Variants in KCND2 observed in about 807,000 individuals in gnomAD.
KCND2 encodes A-type voltage-gated potassium channel KCND2.
Under a neutral mutation model 54.4 loss-of-function variants are expected in KCND2, and 16 were observed. The ratio of observed to expected loss-of-function variants is 0.29; its 90% confidence interval spans 0.20 to 0.45. The LOEUF (loss-of-function observed/expected upper bound fraction) is 0.45, where lower values mean the gene tolerates loss of function less well. Among genes scored for constraint, KCND2 ranks in the 20% least tolerant of loss-of-function variants. The pLI, the probability that KCND2 is intolerant of heterozygous loss-of-function variation, is 1.00. For missense variants in KCND2, 486 were observed against 824.2 expected (o/e 0.59, Z 5.02); for synonymous variants, 317 against 310.7 (o/e 1.02, Z -0.21).
chr7:120,407,391 C>G (rs1250197187), intron 1 of KCND2, among the ~76,000 whole-genome samples: 1 of 151,888 alleles, frequency 6.6e-6, no homozygotes, highest in African/African-American at 2.4e-5. Context: ...AACAAACCCC[C>G]CAAAAGTGTG....
At chr7:120,678,174 G>A (rs537357987) in intron 1 of KCND2, among the ~76,000 whole-genome samples, 3 of 151,728 alleles carry the variant, frequency 2.0e-5, no homozygotes, top group Admixed American at 6.6e-5. Flanking sequence ...TAAACTCTGA[G>A]ATGGTTAGGG....
chr7:120,488,007 C>A (rs1448490160), intron 1 of KCND2, among the ~76,000 whole-genome samples: 2 of 151,910 alleles, frequency 1.3e-5, no homozygotes, highest in African/African-American at 4.8e-5. Flanking sequence ...GTGGTGAAAC[C>A]CCATCTATAC....
At chr7:120,375,385 C>T (rs1800822099) in intron 1 of KCND2, among the ~76,000 whole-genome samples, 1 of 151,936 alleles carries the variant, frequency 6.6e-6, no homozygotes, top group Non-Finnish European at 1.5e-5. Context: ...CTTTCAGTCT[C>T]CTCTGTGTAA....
At chr7:120,393,019 A>G (rs1801100743) in intron 1 of KCND2, among the ~76,000 whole-genome samples, 2 of 152,050 alleles carry the variant, frequency 1.3e-5, no homozygotes, top group South Asian at 4.1e-4. Flanking sequence ...CAAACATTGT[A>G]ATAAGGATGT....
At chr7:120,393,144 G>GT (rs1052245839) in intron 1 of KCND2, among the ~76,000 whole-genome samples, 2 of 151,876 alleles carry the variant, frequency 1.3e-5, no homozygotes, top group African/African-American at 4.8e-5. Flanking sequence ...CGTTGAGTTT[G>GT]TTTTTTTATC....
rs567407417 is a variant in KCND2 at position 120,487,242 on chromosome 7, A to G, written c.1115+211495A>G. Among the ~76,000 whole-genome samples the G allele has an allele frequency of 1.4e-4, 22 of 152,232 alleles. No homozygotes were observed. In the South Asian group the frequency reaches 4.6e-3, roughly 32 times the overall value. On this transcript the variant is annotated intron_variant, in intron 1 of 5. Coordinates refer to ENST00000331113, the MANE Select transcript of KCND2 (RefSeq NM_012281.3). ...TTCTTTAAGTAAAGATTTTTTTTTA[A>G]AAAAAGAGGGATACCCTTAATATTA...
chr7:120,404,550 A>G (rs1454700829), intron 1 of KCND2, among the ~76,000 whole-genome samples: 2 of 152,206 alleles, frequency 1.3e-5, no homozygotes, highest in African/African-American at 2.4e-5. Flanking sequence ...AACTACACAG[A>G]TAACATTAGG....
At chr7:120,646,655 T>C (rs1793445530) in intron 1 of KCND2, among the ~76,000 whole-genome samples, 1 of 152,120 alleles carries the variant, frequency 6.6e-6, no homozygotes, top group South Asian at 2.1e-4. Context: ...GAAAAATGAG[T>C]ATAAAGATTA....
At chr7:120,671,793 A>G (rs557965394) in intron 1 of KCND2, among the ~76,000 whole-genome samples, 6 of 152,180 alleles carry the variant, frequency 3.9e-5, no homozygotes, top group South Asian at 4.1e-4. Context: ...TATTTCCCCA[A>G]TTAGAACCCT....
chr7:120,732,715 G>A (rs2116145700), intron 1 of KCND2, among the ~76,000 whole-genome samples, 188 bp from the exon 2 acceptor site: 1 of 152,082 alleles, frequency 6.6e-6, no homozygotes, highest in East Asian at 1.9e-4. Context: ...AAGGTTGAAA[G>A]GTAATTTTTA....
At chr7:120,456,410 T>G (rs1442946602) in intron 1 of KCND2, among the ~76,000 whole-genome samples, 1 of 152,202 alleles carries the variant, frequency 6.6e-6, no homozygotes, top group African/African-American at 2.4e-5. Flanking sequence ...TGGCATTGAT[T>G]TGGCACTTTA....
At chr7:120,739,391 A>C (rs1792912396) in intron 2 of KCND2, among the ~76,000 whole-genome samples, 1 of 151,938 alleles carries the variant, frequency 6.6e-6, no homozygotes. Context: ...GTTGTTTCCA[A>C]ATGTCCTTTT....
chr7:120,575,393 A>G (rs1261535369), intron 1 of KCND2, among the ~76,000 whole-genome samples: 1 of 152,172 alleles, frequency 6.6e-6, no homozygotes, highest in Non-Finnish European at 1.5e-5. Context: ...GATGGAGACC[A>G]GAAGACTCAG....
chr7:120,381,639 CTGGGGAAGAT>C (rs942559091), intron 1 of KCND2, among the ~76,000 whole-genome samples: 1 of 151,834 alleles, frequency 6.6e-6, no homozygotes, highest in African/African-American at 2.4e-5. Flanking sequence ...TCAGTTATAC[CTGGGGAAGAT>C]TCGATTATCC....
intron 1 of KCND2, among the ~76,000 whole-genome samples, chr7:120,311,334 A>T: frequency 6.6e-6 from 1 of 152,238 alleles, no homozygotes; most frequent in East Asian, 1.9e-4. Flanking sequence ...TGTTATAAAA[A>T]TCAGAAAAGA....
intron 1 of KCND2, among the ~76,000 whole-genome samples, chr7:120,586,131 A>G (rs1437612576): frequency 6.6e-6 from 1 of 152,082 alleles, no homozygotes; most frequent in Non-Finnish European, 1.5e-5. Flanking sequence ...GTATCATACA[A>G]TATAAAACAC....
chr7:120,651,820 C>G (rs1791737508), intron 1 of KCND2, among the ~76,000 whole-genome samples: 2 of 152,154 alleles, frequency 1.3e-5, no homozygotes, highest in African/African-American at 4.8e-5. Flanking sequence ...ACATTTACCT[C>G]CACCTTAAAT....
At chr7:120,747,124 C>A (rs1040805010) in intron 5 of KCND2, among the ~76,000 whole-genome samples, 3 of 152,052 alleles carry the variant, frequency 2.0e-5, no homozygotes, top group Non-Finnish European at 4.4e-5. Context: ...TATCCCCTTC[C>A]CCACATAGAG....
intron 1 of KCND2, among the ~76,000 whole-genome samples, chr7:120,476,733 T>G (rs1802539287): frequency 2.0e-5 from 3 of 152,168 alleles, no homozygotes; most frequent in Admixed American, 2.0e-4. Context: ...TCCATTATAC[T>G]CTCTCTCTTT....
Sources: gnomAD v4.1 joint callset for allele counts (sites outside exome capture counted in the v4.1 genomes callset) on GRCh38, gnomAD v4.1.1 for gene constraint, MANE v1.5 for transcripts, NCBI Gene and HGNC (gene_info 2026-07-23, HGNC 2026-07-21) for gene names.